The following LTBP1 variants were observed in gnomAD, a reference collection of about 807,000 sequenced individuals.
LTBP1 encodes latent-transforming growth factor beta-binding protein 1.
In LTBP1, 129 loss-of-function variants were observed where a neutral mutation model predicts 207.6. That is an observed-to-expected ratio of 0.62 (90% CI 0.54 to 0.72). The LOEUF is 0.72. Among genes scored for constraint, LTBP1 ranks in the 30% least tolerant of loss-of-function variants. The pLI is 0.00. For synonymous variants in LTBP1, 963 were observed against 833.7 expected (o/e 1.16, Z -2.67); for missense variants, 2,281 against 2,217.2 (o/e 1.03, Z -0.58).
intron 24 of LTBP1, among the ~76,000 whole-genome samples, chr2:33,333,735 G>C (rs1306501833): frequency 6.6e-6 from 1 of 152,174 alleles, no homozygotes; most frequent in Non-Finnish European, 1.5e-5. Flanking sequence ...GTGTCCCATA[G>C]GGAATTGGAT....
intron 3 of LTBP1, among the ~76,000 whole-genome samples, chr2:33,099,075 A>T (rs2079557758): frequency 6.6e-6 from 1 of 152,102 alleles, no homozygotes. Context: ...TTTTCTCCAG[A>T]TATATTGGCT....
intron 19 of LTBP1, among the ~76,000 whole-genome samples, chr2:33,283,363 A>T (rs1050018638): frequency 2.0e-5 from 3 of 150,548 alleles, no homozygotes; most frequent in African/African-American, 7.3e-5. Context: ...CTGATAATAT[A>T]GGATATATTG....
chr2:33,028,297 A>G (rs1272586100), intron 3 of LTBP1, among the ~76,000 whole-genome samples: 4 of 152,206 alleles, frequency 2.6e-5, no homozygotes, highest in Non-Finnish European at 5.9e-5. Flanking sequence ...TGTAATAATA[A>G]TAGTTAATAT....
intron 2 of LTBP1, among the ~76,000 whole-genome samples, chr2:33,004,036 C>T (rs1402959332): frequency 6.6e-6 from 1 of 152,074 alleles, no homozygotes; most frequent in Non-Finnish European, 1.5e-5. Context: ...CCTTGTTTTC[C>T]TTTATCTCCC....
chr2:33,330,195 AT>A (rs2094477231), intron 24 of LTBP1, among the ~76,000 whole-genome samples: 1 of 152,042 alleles, frequency 6.6e-6, no homozygotes, highest in South Asian at 2.1e-4. Flanking sequence ...ATAGAGCTAA[AT>A]TTGATTTTTG....
At chr2:33,326,312 A>C (rs2094426386) in intron 24 of LTBP1, among the ~76,000 whole-genome samples, 1 of 152,152 alleles carries the variant, frequency 6.6e-6, no homozygotes, top group South Asian at 2.1e-4. Flanking sequence ...GCCCAGCACA[A>C]ACTGCGTGTT....
chr2:33,378,688 T>C (rs2095175052), intron 31 of LTBP1, among the ~76,000 whole-genome samples: 2 of 152,236 alleles, frequency 1.3e-5, no homozygotes, highest in Admixed American at 6.5e-5. Context: ...GTTTGAGGTT[T>C]TGAATTCAAC....
chr2:32,959,547 A>G (rs1678661740), intron 2 of LTBP1, among the ~76,000 whole-genome samples: 2 of 103,518 alleles, frequency 1.9e-5, no homozygotes, highest in East Asian at 2.1e-4. Flanking sequence ...TGCTGTATAT[A>G]TATGTGTGTG....
In LTBP1 at chr2:33,141,367, A is replaced by G. The variant is rs186049306; in HGVS notation, c.1201+6407A>G. On this transcript the variant is annotated intron_variant, in intron 5 of 33. Coordinates refer to ENST00000404816, the MANE Select transcript of LTBP1 (RefSeq NM_206943.4). ...AGTTCTGGAGATTTGATACAGAATA[A>G]TGTGAACGTACTTAGCACTCCTGAA... is the stretch of plus-strand genomic sequence containing the variant. Among the ~76,000 whole-genome samples, 28 of 152,330 alleles carry G rather than the reference A, an allele frequency of 1.8e-4. No homozygotes were observed. The East Asian group carries it at 5.2e-3, about 28-fold the overall frequency.
intron 3 of LTBP1, among the ~76,000 whole-genome samples, chr2:33,094,985 G>A (rs1363427493): frequency 6.6e-6 from 1 of 152,122 alleles, no homozygotes; most frequent in Non-Finnish European, 1.5e-5. Context: ...TTTTTCTAGT[G>A]TAAGTAAACT....
In LTBP1 at chr2:33,103,633, T is replaced by TGTGTGTGTGTGTGTGTGTG. The variant is rs780868356; in HGVS notation, c.864-6949_864-6948insGTGTGTGTGTGTGTGTGTG. Among the ~76,000 whole-genome samples the TGTGTGTGTGTGTGTGTGTG allele has an allele frequency of 4.6e-4, 57 of 123,020 alleles. 1 individual carries two copies. The highest frequency in any genetic ancestry group is 1.1e-3 in the African/African-American group (37 of 34,502). The allele number at this position is 123,020 out of a possible 152,430, so 80.7% of individuals were successfully genotyped here. On this transcript the variant is annotated intron_variant, in intron 3 of 33. Transcript: ENST00000404816. ...TGTGTGTGTGTGTGTGTGTGAGTGTTATGCTGCCATGTGGCATCTTCCTAA... is the reference window on the plus strand; with the variant it reads ...TGTGTGTGTGTGTGTGTGTGAGTGTTGTGTGTGTGTGTGTGTGTGATGCTGCCATGTGGCATCTTCCTAA...
At chr2:33,298,874 A>G (rs569773391) in intron 20 of LTBP1, among the ~76,000 whole-genome samples, 8 of 152,234 alleles carry the variant, frequency 5.3e-5, no homozygotes, top group Non-Finnish European at 1.0e-4. Context: ...TCAGGAAACT[A>G]TGTCAGTATT....
chr2:33,158,686 A>G (rs1435050326), intron 5 of LTBP1, among the ~76,000 whole-genome samples: 2 of 152,222 alleles, frequency 1.3e-5, no homozygotes, highest in African/African-American at 4.8e-5. Context: ...ATTTCTTTCC[A>G]GTGATTCATA....
At chr2:33,109,676 A>G in intron 3 of LTBP1, among the ~76,000 whole-genome samples, 1 of 152,234 alleles carries the variant, frequency 6.6e-6, no homozygotes. Context: ...TAAAACATTT[A>G]ACTCAAATAG....
At chr2:33,037,161 CCT>C (rs1045657752) in intron 3 of LTBP1, among the ~76,000 whole-genome samples, 5 of 150,012 alleles carry the variant, frequency 3.3e-5, no homozygotes, top group South Asian at 4.2e-4. Context: ...TAATTCTCCC[CCT>C]GTCCCTCTCA....
At chr2:33,299,594 T>C (rs925301596) in intron 20 of LTBP1, among the ~76,000 whole-genome samples, 1 of 152,206 alleles carries the variant, frequency 6.6e-6, no homozygotes, top group African/African-American at 2.4e-5. Context: ...TCATAAACTC[T>C]TATAAGTTGG....
intron 24 of LTBP1, among the ~76,000 whole-genome samples, chr2:33,327,135 G>C (rs1573855482): frequency 1.3e-5 from 2 of 152,190 alleles, no homozygotes; most frequent in African/African-American, 4.8e-5. Context: ...CAGTGGTTCA[G>C]ATAGACTCTG....
At chr2:33,074,280 A>G (rs1007644745) in intron 3 of LTBP1, among the ~76,000 whole-genome samples, 12 of 152,254 alleles carry the variant, frequency 7.9e-5, no homozygotes, top group African/African-American at 2.7e-4. Flanking sequence ...CAAATGCAGC[A>G]GCAATGATTA....
chr2:33,350,058 A>G (rs956186746), intron 26 of LTBP1, among the ~76,000 whole-genome samples: 1 of 152,264 alleles, frequency 6.6e-6, no homozygotes, highest in African/African-American at 2.4e-5. Flanking sequence ...CCTGTCCAGT[A>G]AAAGAATCTG....
Sources: allele counts gnomAD v4.1 joint callset (sites outside exome capture counted in the v4.1 genomes callset), GRCh38; gene constraint gnomAD v4.1.1; transcripts MANE v1.5; gene names NCBI Gene and HGNC (gene_info 2026-07-23, HGNC 2026-07-21).